Variants in LZTFL1 observed in about 807,000 individuals in gnomAD.
LZTFL1 encodes leucine zipper transcription factor like 1.
In LZTFL1, 25 loss-of-function variants were observed where a neutral mutation model predicts 45.9. That is an observed-to-expected ratio of 0.54 (90% CI 0.40 to 0.76). The LOEUF is 0.76. Ranked by LOEUF, LZTFL1 falls within the 30% of genes least tolerant of loss-of-function variation. LZTFL1 has a pLI of 0.00. For missense variants in LZTFL1, 277 were observed against 331.1 expected (o/e 0.84, Z 1.27); for synonymous variants, 93 against 117.4 (o/e 0.79, Z 1.35).
intron 3 of LZTFL1, among the ~76,000 whole-genome samples, chr3:45,857,156 A>C (rs1013270991): frequency 4.6e-5 from 7 of 152,234 alleles, no homozygotes; most frequent in Non-Finnish European, 1.0e-4. Flanking sequence ...TAAAGAAAGT[A>C]TGGCACATAT....
At chr3:45,861,511 T>C (rs1372398471) in intron 2 of LZTFL1, among the ~76,000 whole-genome samples, 2 of 151,268 alleles carry the variant, frequency 1.3e-5, no homozygotes, top group Non-Finnish European at 2.9e-5. Context: ...TGAGGAGGGG[T>C]GGGGGAATGT....
At chr3:45,893,306 C>A (rs923992206) in intron 2 of LZTFL1, among the ~76,000 whole-genome samples, 9 of 152,120 alleles carry the variant, frequency 5.9e-5, no homozygotes, top group Non-Finnish European at 1.2e-4. Context: ...AGGCGCACAC[C>A]ACCACACCTG....
chr3:45,878,136 T>C (rs1701785038), intron 2 of LZTFL1, among the ~76,000 whole-genome samples: 1 of 152,220 alleles, frequency 6.6e-6, no homozygotes, highest in Admixed American at 6.5e-5. Flanking sequence ...ATTAAGCTAA[T>C]TAGTATTTTC....
upstream of LZTFL1, chr3:45,842,125 C>G (rs890754627): frequency 6.5e-7 from 1 of 1,528,654 alleles, no homozygotes; most frequent in African/African-American, 1.4e-5. Context: ...CCTCTGGTTG[C>G]TAACGGAAAC....
In LZTFL1 at chr3:45,863,258, A is replaced by G. The variant is rs1018900435; in HGVS notation, c.-214-4242T>C. ...CAGTTGACAACATAAAGCTTGAAGA[A>G]TGCCAGCTAAATGTAGAGGGATGAA... On this transcript the variant is annotated intron_variant, in intron 2 of 4. Transcript: ENST00000472635. Among the ~76,000 whole-genome samples, 5 of 152,238 alleles carry G rather than the reference A, an allele frequency of 3.3e-5. No homozygotes were observed. The East Asian group carries it at 7.7e-4, about 23-fold the overall frequency.
intron 2 of LZTFL1, among the ~76,000 whole-genome samples, chr3:45,893,436 T>C (rs1003297908): frequency 2.2e-4 from 33 of 152,128 alleles, no homozygotes; most frequent in African/African-American, 8.0e-4. Flanking sequence ...ATTATAGGCG[T>C]AAGCCACCAT....
chr3:45,915,336 C>T (rs879788163), intron 1 of LZTFL1: 43 of 345,046 alleles, frequency 1.2e-4, no homozygotes, highest in Admixed American at 4.4e-4. Flanking sequence ...CTTTTATCCC[C>T]GCACCGCCCA....
At chr3:45,897,643 C>T in intron 2 of LZTFL1, 1 of 1,527,514 alleles carries the variant, frequency 6.5e-7, no homozygotes, top group Non-Finnish European at 8.8e-7. Flanking sequence ...CCAGGACTAA[C>T]ACAGCTAAGT....
At chr3:45,858,168 T>A (rs964298918) in intron 3 of LZTFL1, among the ~76,000 whole-genome samples, 2 of 152,208 alleles carry the variant, frequency 1.3e-5, no homozygotes, top group African/African-American at 4.8e-5. Context: ...AATAAGTATA[T>A]GAATAGTAGA....
At chr3:45,895,143 G>A (rs1259762614) in intron 2 of LZTFL1, 1 of 637,002 alleles carries the variant, frequency 1.6e-6, no homozygotes. Flanking sequence ...AATGCAAAGA[G>A]GCAGCTATGC....
At chr3:45,906,175 T>A (rs1702675394) in intron 2 of LZTFL1, among the ~76,000 whole-genome samples, 2 of 152,084 alleles carry the variant, frequency 1.3e-5, no homozygotes, top group Non-Finnish European at 2.9e-5. Context: ...ATCCATAGTG[T>A]GGTTGGGCGC....
intron 1 of LZTFL1, among the ~76,000 whole-genome samples, chr3:45,838,525 C>A (rs546196518): frequency 6.6e-6 from 1 of 152,212 alleles, no homozygotes; most frequent in Non-Finnish European, 1.5e-5. Flanking sequence ...TTCTTCAAGC[C>A]ACTTAACCTT....
intron 2 of LZTFL1, among the ~76,000 whole-genome samples, chr3:45,889,227 C>T (rs1383763635): frequency 6.6e-6 from 1 of 152,112 alleles, no homozygotes; most frequent in East Asian, 1.9e-4. Flanking sequence ...TCAAGTGATG[C>T]TCCCACCTCA....
chr3:45,843,083 T>A (rs1701158424), upstream of LZTFL1, among the ~76,000 whole-genome samples: 1 of 152,206 alleles, frequency 6.6e-6, no homozygotes, highest in African/African-American at 2.4e-5. Flanking sequence ...CTGAAGGCAG[T>A]GGCGTGGGTA....
At chr3:45,883,424 T>C (rs1048913208) in intron 2 of LZTFL1, among the ~76,000 whole-genome samples, 2 of 152,356 alleles carry the variant, frequency 1.3e-5, no homozygotes, top group Middle Eastern at 3.4e-3. Flanking sequence ...CTCACCAGAA[T>C]ACAGACCTCA....
In LZTFL1 at chr3:45,901,979, G is replaced by C. The variant is rs1432929093; in HGVS notation, c.-215+11141C>G. On this transcript the variant is annotated intron_variant, in intron 2 of 4. Transcript: ENST00000472635. The surrounding 1 kb of genome is among the most constrained non-coding windows in gnomAD (Gnocchi z 4.3). ...GTTTCCCCACTGATGGGACCAGAGA[G>C]AGTGAAAGAGAAAAGAAAACTCAGA... 4 of 1,169,264 alleles carry C rather than the reference G, an allele frequency of 3.4e-6. No individual in the cohort carries two copies. Among genetic ancestry groups the C allele is most frequent in the Admixed American group, 5.1e-5 (2 of 39,130 alleles). 72.4% of individuals were successfully genotyped at this position (1,169,264 alleles called of 1,614,324 possible).
At chr3:45,872,240 G>A (rs980906729) in intron 2 of LZTFL1, among the ~76,000 whole-genome samples, 14 of 152,222 alleles carry the variant, frequency 9.2e-5, no homozygotes, top group African/African-American at 3.4e-4. Context: ...TCTGATGCAT[G>A]TGGAGGAGGC....
upstream of LZTFL1, among the ~76,000 whole-genome samples, chr3:45,845,179 G>T (rs994632086): frequency 1.3e-5 from 2 of 152,168 alleles, no homozygotes; most frequent in African/African-American, 4.8e-5. Context: ...CACAAGCTCA[G>T]TCTGTATATT....
chr3:45,847,200 C>T (rs1288915110), intron 4 of LZTFL1, among the ~76,000 whole-genome samples: 2 of 152,342 alleles, frequency 1.3e-5, no homozygotes, highest in South Asian at 2.1e-4. Flanking sequence ...TTTTGCATAT[C>T]TACAATCTCT....
Sources: allele counts gnomAD v4.1 joint callset (sites outside exome capture counted in the v4.1 genomes callset), GRCh38; gene constraint gnomAD v4.1.1; non-coding constraint Gnocchi (gnomAD v3.1); transcripts MANE v1.5; gene names NCBI Gene and HGNC (gene_info 2026-07-23, HGNC 2026-07-21).